The following NPY1R variants were observed in gnomAD, a reference collection of about 807,000 sequenced individuals.
NPY1R encodes neuropeptide Y receptor Y1, also known as neuropeptide Y receptor type 1.
In NPY1R, 10 loss-of-function variants were observed where a neutral mutation model predicts 24.1. The ratio of observed to expected loss-of-function variants is 0.42; its 90% CI spans 0.26 to 0.71. The LOEUF (loss-of-function observed/expected upper bound fraction) is 0.71. Ranked by LOEUF, NPY1R falls within the 30% of genes least tolerant of loss-of-function variation. NPY1R has a pLI of 0.28. For synonymous variants in NPY1R, 168 were observed against 165.9 expected (o/e 1.01, Z -0.10); for missense variants, 350 against 458.0 (o/e 0.76, Z 2.15).
At chr4:163,332,305 C>A (rs974347875) in intron 1 of NPY1R, among the ~76,000 whole-genome samples, 177 bp downstream of exon 1, 8 of 152,128 alleles carry the variant, frequency 5.3e-5, no homozygotes, top group African/African-American at 1.4e-4. Flanking sequence ...TCGGCAGGAG[C>A]CCGCGAACGG....
intron 1 of NPY1R, among the ~76,000 whole-genome samples, chr4:163,327,026 G>C (rs1734624244): frequency 6.6e-6 from 1 of 152,070 alleles, no homozygotes; most frequent in Non-Finnish European, 1.5e-5. Context: ...GAATATGAAT[G>C]TATAAAAACC....
At chr4:163,338,385 C>T (rs1734895050) in intron 1 of NPY1R, among the ~76,000 whole-genome samples, 1 of 152,208 alleles carries the variant, frequency 6.6e-6, no homozygotes, top group African/African-American at 2.4e-5. Flanking sequence ...GCTAACGATA[C>T]ATAAGACAAA....
intron 1 of NPY1R, among the ~76,000 whole-genome samples, chr4:163,343,499 G>A (rs1222963069): frequency 6.8e-6 from 1 of 147,126 alleles, no homozygotes; most frequent in Non-Finnish European, 1.5e-5. Context: ...ACCCCCCACC[G>A]TCCCCCACCC....
intron 1 of NPY1R, among the ~76,000 whole-genome samples, chr4:163,330,032 A>AG (rs1244052772): frequency 5.9e-5 from 9 of 152,208 alleles, no homozygotes; most frequent in Admixed American, 5.2e-4. Context: ...AACACACTCA[A>AG]GGAAAGAGAA....
At chr4:163,336,696 C>T (rs1440339854), upstream of NPY1R, among the ~76,000 whole-genome samples, 2 of 152,196 alleles carry the variant, frequency 1.3e-5, no homozygotes, top group Non-Finnish European at 2.9e-5. Flanking sequence ...TGCAGTGGCT[C>T]ATGCCTGTAA....
At chr4:163,341,249 G>A (rs1286165346) in intron 1 of NPY1R, among the ~76,000 whole-genome samples, 2 of 152,154 alleles carry the variant, frequency 1.3e-5, no homozygotes, top group Admixed American at 6.5e-5. Flanking sequence ...CATCTTTTAA[G>A]TATTAAGGAT....
chr4:163,340,704 T>A (rs1734959991), intron 1 of NPY1R, among the ~76,000 whole-genome samples: 1 of 152,102 alleles, frequency 6.6e-6, no homozygotes, highest in Admixed American at 6.5e-5. Context: ...CAAGTGCCTA[T>A]CTAAAGCCAC....
chr4:163,340,151 AATAG>A (rs1290049036), intron 1 of NPY1R, among the ~76,000 whole-genome samples: 2 of 152,056 alleles, frequency 1.3e-5, no homozygotes, highest in Non-Finnish European at 2.9e-5. Context: ...AACTACAAAA[AATAG>A]ATAGGAAATG....
intron 1 of NPY1R, among the ~76,000 whole-genome samples, chr4:163,332,153 C>T (rs562345335): frequency 3.9e-5 from 6 of 152,340 alleles, no homozygotes; most frequent in Non-Finnish European, 7.3e-5. Context: ...GGGCGCCTTC[C>T]CAGTGCCTCG....
intron 1 of NPY1R, among the ~76,000 whole-genome samples, chr4:163,343,073 C>T (rs964459236): frequency 2.4e-4 from 37 of 151,256 alleles, no homozygotes; most frequent in Non-Finnish European, 2.1e-4. Flanking sequence ...ATAAAGCAAA[C>T]CTGCGCAATA....
chr4:163,329,584 G>A (rs1734682859), intron 1 of NPY1R, among the ~76,000 whole-genome samples: 1 of 151,066 alleles, frequency 6.6e-6, no homozygotes. Flanking sequence ...CTGGGTGACA[G>A]AGCAAGACTC....
Position 163,325,247 on chromosome 4 carries a change from C to A in NPY1R, c.*56G>T. The A allele has an allele frequency of 8.4e-7, 1 of 1,192,136 alleles. No individual in the cohort carries two copies. Among genetic ancestry groups the A allele is most frequent in the Non-Finnish European group, 1.2e-6 (1 of 830,568 alleles). The allele number at this position is 1,192,136 out of a possible 1,614,324, so 73.8% of individuals were successfully genotyped here. A position where few individuals can be genotyped will look rare whatever the true frequency, so the allele number is the denominator to read the frequency against. ...GAGAACAGGTAATCAAAGTATGTTGCAGGTTGTGCTTGTTTTTAAACAGAT... is the reference window on the plus strand; with the variant it reads ...GAGAACAGGTAATCAAAGTATGTTGAAGGTTGTGCTTGTTTTTAAACAGAT... On this transcript the variant is annotated 3_prime_UTR_variant, in exon 3 of 3. Coordinates refer to ENST00000296533, the MANE Select transcript of NPY1R (RefSeq NM_000909.6).
At chr4:163,334,657 C>T (rs112081491), upstream of NPY1R, among the ~76,000 whole-genome samples, 5 of 152,132 alleles carry the variant, frequency 3.3e-5, 1 homozygote, top group African/African-American at 1.2e-4. Flanking sequence ...GTCAGGAGTT[C>T]GAGACCAGGC....
intron 1 of NPY1R, among the ~76,000 whole-genome samples, chr4:163,330,455 A>G (rs1734701969): frequency 6.6e-6 from 1 of 152,232 alleles, no homozygotes; most frequent in South Asian, 2.1e-4. Flanking sequence ...CCAATTCTGC[A>G]TTGGATAAAT....
In NPY1R at chr4:163,342,981, G is replaced by C. The variant is rs4057787; in HGVS notation, c.-152+1324C>G. 2.3e-3 allele frequency among the ~76,000 whole-genome samples: 317 copies of C among 139,180 alleles called. 1 individual carries two copies. Among genetic ancestry groups the C allele is most frequent in the African/African-American group, 8.2e-3 (292 of 35,658 alleles). 91.3% of individuals were successfully genotyped at this position (139,180 alleles called of 152,430 possible). On this transcript the variant is annotated intron_variant, in intron 1 of 1. Coordinates refer to the NPY1R transcript ENST00000511901. The stretch of plus-strand genomic sequence containing the variant: ...CTTCTCTCTCTCTCTCTCTCTCACA[G>C]ACACACACACACACACACACACACA...
At chr4:163,342,753 A>G (rs914394407) in intron 1 of NPY1R, among the ~76,000 whole-genome samples, 2 of 151,746 alleles carry the variant, frequency 1.3e-5, no homozygotes, top group African/African-American at 4.8e-5. Context: ...TCTGCCCCAG[A>G]TGTTAGAATT....
At position 163,326,595 on chromosome 4, in the gene NPY1R, G is replaced by A. The variant is rs771704801; in HGVS notation, c.-41C>T. 1 of 1,264,886 alleles carries A rather than the reference G, an allele frequency of 7.9e-7. No individual in the cohort carries two copies. 78.4% of individuals were successfully genotyped at this position (1,264,886 alleles called of 1,614,324 possible). On this transcript the variant is annotated 5_prime_UTR_variant, in exon 2 of 3. Coordinates refer to ENST00000296533, the MANE Select transcript of NPY1R (RefSeq NM_000909.6). ...TGTTATAGATTATTTTAGACAAATG[G>A]ACAGTATGTTTCTTCAAAGCAGGTC...
At chr4:163,326,799 G>T in intron 1 of NPY1R, 94 bp from the exon 2 acceptor site, 1 of 352,408 alleles carries the variant, frequency 2.8e-6, no homozygotes, top group Non-Finnish European at 5.1e-6. Flanking sequence ...TGAAAACACT[G>T]AAATAAATAA....
chr4:163,334,697 T>C (rs1734797705), upstream of NPY1R, among the ~76,000 whole-genome samples: 1 of 151,738 alleles, frequency 6.6e-6, no homozygotes, highest in Non-Finnish European at 1.5e-5. Flanking sequence ...CCGTCTCTAC[T>C]AAAAATACAA....
Sources: allele counts gnomAD v4.1 joint callset (sites outside exome capture counted in the v4.1 genomes callset), GRCh38; gene constraint gnomAD v4.1.1; transcripts MANE v1.5; gene names NCBI Gene and HGNC (gene_info 2026-07-23, HGNC 2026-07-21).